The following ARHGAP17 variants were observed in gnomAD, a reference collection of about 807,000 sequenced individuals.
ARHGAP17 encodes Rho GTPase activating protein 17, also known as rho GTPase-activating protein 17.
In ARHGAP17, 57 loss-of-function variants were observed where a neutral mutation model predicts 99.5. The observed-to-expected ratio is 0.57, with a 90% CI of 0.46 to 0.71. ARHGAP17 has a LOEUF of 0.71. ARHGAP17 is among the 30% of genes least tolerant of loss of function. The pLI is 0.00. For missense variants in ARHGAP17, 1,000 were observed against 1,122.4 expected (o/e 0.89, Z 1.56); for synonymous variants, 417 against 429.6 (o/e 0.97, Z 0.36).
chr16:25,010,139 G>T (rs762030219), intron 1 of ARHGAP17, among the ~76,000 whole-genome samples: 2 of 151,342 alleles, frequency 1.3e-5, no homozygotes, highest in Non-Finnish European at 2.9e-5. Flanking sequence ...GCAGTGGCAT[G>T]ATCTCAGCTC....
At chr16:24,980,603 C>A (rs985824665) in intron 1 of ARHGAP17, among the ~76,000 whole-genome samples, 1 of 152,102 alleles carries the variant, frequency 6.6e-6, no homozygotes, top group African/African-American at 2.4e-5. Flanking sequence ...GGTAGTCATA[C>A]CAGTTAGGGA....
At chr16:24,941,706 CAT>C (rs2051317265) in intron 16 of ARHGAP17, 1 of 414,840 alleles carries the variant, frequency 2.4e-6, no homozygotes, top group East Asian at 5.2e-5. Flanking sequence ...TCACTTTTAA[CAT>C]GTGTATGATG....
At position 24,966,744 on chromosome 16, in the gene ARHGAP17, G is replaced by A. The variant is rs146459454; in HGVS notation, c.461+1607C>T. ...GGTTGCAGTGAGCTATGATCACACC[G>A]CTGCACTCCAGCCCAGGTGACAGGG... On this transcript the variant is annotated intron_variant, in intron 6 of 19. Transcript: ENST00000289968. 8.3e-3 allele frequency among the ~76,000 whole-genome samples: 1,268 copies of A among 152,154 alleles called. 10 individuals are homozygous for A. The highest frequency in any genetic ancestry group is 0.014 in the Non-Finnish European group (964 of 67,996).
At position 24,968,387 on chromosome 16, in the gene ARHGAP17, G is replaced by A. The variant is rs1259447595; in HGVS notation, c.425C>T (p.Ala142Val). The A allele has an allele frequency of 3.1e-6, 5 of 1,614,216 alleles. No individual in the cohort carries two copies. The highest frequency in any genetic ancestry group is 3.4e-6 in the Non-Finnish European group (4 of 1,180,034). ...PNIQKQRKQL[A>V]RLVLDWDSVR... ...TGAATCCCAGTCTAACACCAATCTT[G>A]CAAGCTGCTTCCTCTGCTTCTGGAT... The change falls in exon 6 of 20, where the codon GCA (alanine) becomes GTA (valine). Residue 142 changes from alanine to valine, a missense_variant. Coordinates refer to ENST00000289968, the MANE Select transcript of ARHGAP17 (RefSeq NM_001006634.3).
chr16:24,970,702 T>A, intron 3 of ARHGAP17, 122 bp from the exon 4 acceptor site: 3 of 861,368 alleles, frequency 3.5e-6, no homozygotes, highest in Non-Finnish European at 5.7e-6. Flanking sequence ...GGAGACAGCC[T>A]GTCTGGGTTC....
At position 24,977,296 on chromosome 16, in the gene ARHGAP17, C is replaced by T; in HGVS notation, c.117G>A (p.Val39=). 6.3e-7 allele frequency: 1 copy of T among 1,593,496 alleles called. No homozygotes were observed. Among genetic ancestry groups the T allele is most frequent in the Non-Finnish European group, 8.6e-7 (1 of 1,165,652 alleles). The change falls in exon 3 of 20, where the codon GTG becomes GTA. Residue 39 remains valine, a synonymous_variant. Transcript: ENST00000289968. The part of the protein sequence containing the change: ...LLQIERRLDT[V]RSICHHSHKR... The stretch of plus-strand genomic sequence containing the variant: ...TATGGGAATGGTGGCATATTGACCG[C>T]ACCGTGTCCAGGCGTCTCTCAATCT...
At chr16:24,998,066 G>A (rs916243389) in intron 1 of ARHGAP17, among the ~76,000 whole-genome samples, 1 of 151,958 alleles carries the variant, frequency 6.6e-6, no homozygotes, top group African/African-American at 2.4e-5. Flanking sequence ...GCAGGGGACA[G>A]GATAGGAGTC....
chr16:24,960,159 C>T (rs2051941786), intron 7 of ARHGAP17, among the ~76,000 whole-genome samples, 180 bp from the exon 8 acceptor site: 2 of 152,140 alleles, frequency 1.3e-5, no homozygotes, highest in African/African-American at 2.4e-5. Flanking sequence ...ACATGACTGA[C>T]AAAGAAAGAT....
Position 24,920,071 on chromosome 16 carries a change from G to A in ARHGAP17, c.*59C>T, listed in dbSNP as rs2050679438. On this transcript the variant is annotated 3_prime_UTR_variant, in exon 20 of 20. Transcript: ENST00000289968. ...GTTCGGTCTGCAAAGAAAGAGGTTCGCCTGCCCCTGCTCCACTCGCCAGGG... is the reference window on the plus strand; with the variant it reads ...GTTCGGTCTGCAAAGAAAGAGGTTCACCTGCCCCTGCTCCACTCGCCAGGG... 9.4e-6 allele frequency: 15 copies of A among 1,589,138 alleles called. No individual in the cohort carries two copies. The highest frequency in any genetic ancestry group is 3.4e-5 in the Admixed American group (2 of 58,584).
intron 3 of ARHGAP17, among the ~76,000 whole-genome samples, chr16:24,976,396 G>A (rs370123968): frequency 1.3e-5 from 2 of 152,126 alleles, no homozygotes; most frequent in African/African-American, 4.8e-5. Flanking sequence ...CAGGCATGGT[G>A]GTGTGTACTG....
In ARHGAP17 at chr16:24,959,990, G is replaced by GGAA. The variant is rs1280595091; in HGVS notation, c.574-14_574-12dup. On this transcript the variant is annotated splice_polypyrimidine_tract_variant and intron_variant, in intron 7 of 19. Coordinates refer to ENST00000289968, the MANE Select transcript of ARHGAP17 (RefSeq NM_001006634.3). Reference sequence around the variant, plus strand: ...TGCTGCAAGTTGATCCTGGGTAAATGGAAGATAAGAGGTTATTGAAGAAAA... The same window carrying GGAA: ...TGCTGCAAGTTGATCCTGGGTAAATGGAAGAAGATAAGAGGTTATTGAAGAAAA... 1.2e-6 allele frequency: 2 copies of GGAA among 1,613,466 alleles called. No homozygotes were observed. Among genetic ancestry groups the GGAA allele is most frequent in the African/African-American group, 2.7e-5 (2 of 74,886 alleles).
rs140478376 is a variant in ARHGAP17 at position 24,931,023 on chromosome 16, G to A, written c.2276C>T (p.Thr759Met). The stretch of plus-strand genomic sequence containing the variant: ...TCCTAGGGGCGGAGTACTGGGGGGC[G>A]TTGGAGTCTGGGGAGGGGTGTGAGA... ...QPSHTPPQTP[T>M]PPSTPPLGKQ... Residue 759 changes from threonine (T) to methionine (M), a missense_variant, in exon 19 of 20, where the codon ACG becomes ATG. By Grantham distance (81) the Thr-to-Met change is moderately conservative. Coordinates refer to ENST00000289968, the MANE Select transcript of ARHGAP17 (RefSeq NM_001006634.3). 2.4e-5 allele frequency: 39 copies of A among 1,612,148 alleles called. No individual in the cohort carries two copies. The highest frequency in any genetic ancestry group is 1.8e-4 in the East Asian group (8 of 44,862).
intron 19 of ARHGAP17, among the ~76,000 whole-genome samples, chr16:24,927,284 C>A (rs747393208): frequency 6.6e-6 from 1 of 152,172 alleles, no homozygotes; most frequent in Non-Finnish European, 1.5e-5. Context: ...TCTCTTATTT[C>A]ATCTTCAACA....
At chr16:24,997,082 G>A (rs924895279) in intron 1 of ARHGAP17, among the ~76,000 whole-genome samples, 1 of 152,206 alleles carries the variant, frequency 6.6e-6, no homozygotes, top group Non-Finnish European at 1.5e-5. Context: ...TTGGACTAGC[G>A]CAAGGTGCCC....
At position 24,955,107 on chromosome 16, in the gene ARHGAP17, T is replaced by C; in HGVS notation, c.725-377A>G. 5.7e-6 allele frequency: 1 copy of C among 175,752 alleles called. No individual in the cohort carries two copies. The highest frequency in any genetic ancestry group is 2.4e-5 in the African/African-American group (1 of 42,408). The allele number at this position is 175,752 out of a possible 1,614,324, so 10.9% of individuals were successfully genotyped here. On this transcript the variant is annotated intron_variant, in intron 9 of 19. Transcript: ENST00000289968. The surrounding 1 kb of genome is among the most constrained non-coding windows in gnomAD (Gnocchi z 4.0). ...CGTTTCGTTGAAAAGAAATTTATTCTAGCCATGCAAAGCCTTCTAGCTAGA... is the reference window on the plus strand; with the variant it reads ...CGTTTCGTTGAAAAGAAATTTATTCCAGCCATGCAAAGCCTTCTAGCTAGA...
intron 1 of ARHGAP17, among the ~76,000 whole-genome samples, chr16:25,003,378 G>T (rs1409514512): frequency 6.6e-6 from 1 of 151,566 alleles, no homozygotes; most frequent in African/African-American, 2.4e-5. Context: ...GGGATTACAG[G>T]TGTGCACCAC....
intron 15 of ARHGAP17, among the ~76,000 whole-genome samples, chr16:24,942,783 A>AAG (rs2051354949): frequency 6.6e-6 from 1 of 151,900 alleles, no homozygotes; most frequent in African/African-American, 2.4e-5. Context: ...AAAAAAAAAA[A>AAG]AGAGAGATAT....
rs369267706 is a variant in ARHGAP17, at chr16:24,949,375, C to T, written c.1127+29G>A. On this transcript the variant is annotated intron_variant, in intron 13 of 19. Coordinates refer to ENST00000289968, the MANE Select transcript of ARHGAP17 (RefSeq NM_001006634.3). Reference sequence around the variant, plus strand: ...CTGGGCATTAAACTTATCTTCACTCCAGAGTCATTGTAGCTCAATCATACA... The same window carrying T: ...CTGGGCATTAAACTTATCTTCACTCTAGAGTCATTGTAGCTCAATCATACA... 2.7e-5 allele frequency: 42 copies of T among 1,582,884 alleles called. No homozygotes were observed. In the African/African-American group the frequency reaches 3.1e-4, roughly 12 times the overall value.
chr16:24,944,838 G>T (rs533567915), intron 14 of ARHGAP17, among the ~76,000 whole-genome samples: 2 of 151,748 alleles, frequency 1.3e-5, no homozygotes, highest in Admixed American at 1.3e-4. Flanking sequence ...GGATGGTCTC[G>T]ATCTCCTGAC....
Sources: allele counts gnomAD v4.1 joint callset (sites outside exome capture counted in the v4.1 genomes callset), GRCh38; gene constraint gnomAD v4.1.1; non-coding constraint Gnocchi (gnomAD v3.1); transcripts MANE v1.5; gene names NCBI Gene and HGNC (gene_info 2026-07-23, HGNC 2026-07-21).